INTU: variants seen among roughly 807,000 people sequenced by gnomAD.
INTU encodes the protein protein inturned.
INTU carries 68 observed loss-of-function variants against 100.5 expected under a neutral mutation model. The observed-to-expected ratio is 0.68, with a 90% CI of 0.56 to 0.83. INTU has a LOEUF of 0.83. Ranked by LOEUF, INTU falls within the 40% of genes least tolerant of loss-of-function variation. INTU has a pLI of 0.00. For missense variants in INTU, 1,071 were observed against 1,114.7 expected (o/e 0.96, Z 0.56); for synonymous variants, 357 against 395.7 (o/e 0.90, Z 1.16).
At chr4:127,670,428 T>A (rs1204481377) in intron 5 of INTU, among the ~76,000 whole-genome samples, 3 of 151,982 alleles carry the variant, frequency 2.0e-5, no homozygotes, top group African/African-American at 7.2e-5. Flanking sequence ...TATGTGACTT[T>A]AATATAGTGT....
chr4:127,661,011 CT>C (rs1728452308), intron 3 of INTU, among the ~76,000 whole-genome samples: 1 of 152,116 alleles, frequency 6.6e-6, no homozygotes, highest in South Asian at 2.1e-4. Context: ...ACATTTGTAG[CT>C]ACTTAACATG....
intron 1 of INTU, 46 bp from the exon 2 acceptor site, chr4:127,643,475 T>TTATATA (rs1727422680): frequency 6.7e-7 from 1 of 1,482,652 alleles, no homozygotes; most frequent in African/African-American, 1.4e-5. Flanking sequence ...TACCTTTCTT[T>TTATATA]TATATATTGG....
In INTU at chr4:127,713,960, G is replaced by A; in HGVS notation, c.2584G>A (p.Asp862Asn). Residue 862 changes from aspartate (D) to asparagine (N), a missense_variant, in exon 15 of 16, where the codon GAC (aspartate) becomes AAC (asparagine). By Grantham distance (23) the Asp-to-Asn change is conservative. Coordinates refer to ENST00000335251, the MANE Select transcript of INTU (RefSeq NM_015693.4). ...GAAAAAGAAAGGACTAAATAGTGGA[G>A]ACCATTCAGATTCTGCAAAGTCAGT... ...EEKKKGLNSG[D>N]HSDSAKSVSS... 6.2e-7 allele frequency: 1 copy of A among 1,610,422 alleles called. No homozygotes were observed. Among genetic ancestry groups the A allele is most frequent in the South Asian group, 1.1e-5 (1 of 90,810 alleles).
intron 6 of INTU, chr4:127,676,128 T>C (rs1360227625): frequency 6.0e-6 from 1 of 166,398 alleles, no homozygotes; most frequent in East Asian, 1.6e-4. Context: ...CAAATCTTTT[T>C]ACATGGAGGG....
chr4:127,648,957 C>G (rs1727708630), intron 2 of INTU, among the ~76,000 whole-genome samples: 2 of 152,216 alleles, frequency 1.3e-5, no homozygotes, highest in South Asian at 2.1e-4. Flanking sequence ...TTGCAAAACT[C>G]CCATCTGAGT....
chr4:127,677,520 A>G (rs1729280097), intron 6 of INTU, among the ~76,000 whole-genome samples: 1 of 151,052 alleles, frequency 6.6e-6, no homozygotes, highest in Non-Finnish European at 1.5e-5. Context: ...GCAAACTCCA[A>G]CAGACCTGCA....
chr4:127,692,964 T>C (rs1479780508), intron 8 of INTU, among the ~76,000 whole-genome samples: 4 of 152,006 alleles, frequency 2.6e-5, no homozygotes, highest in Non-Finnish European at 5.9e-5. Context: ...TTTTATACCA[T>C]GCCATTTTGG....
chr4:127,666,324 C>T (rs73847036), intron 4 of INTU, among the ~76,000 whole-genome samples: 2 of 151,970 alleles, frequency 1.3e-5, no homozygotes, highest in Admixed American at 6.6e-5. Context: ...GTAATGGTTT[C>T]CCTTCTTATG....
chr4:127,655,441 A>C (rs59871241), intron 2 of INTU, among the ~76,000 whole-genome samples: 4,651 of 149,342 alleles, frequency 0.031, 433 homozygotes, highest in African/African-American at 0.11. Flanking sequence ...TCCTTCTAAC[A>C]GACTGTACCC....
rs995062669 is a variant in INTU, at chr4:127,708,524, G to A, written c.2272-47G>A. On this transcript the variant is annotated intron_variant, in intron 12 of 15. Coordinates refer to ENST00000335251, the MANE Select transcript of INTU (RefSeq NM_015693.4). ...AATTTTTAAATTGTTTCTGCTATAT[G>A]ATTCCATTCTTAGATATAAACTGAT... 4 of 966,902 alleles carry A rather than the reference G, an allele frequency of 4.1e-6. No individual in the cohort carries two copies. In the Admixed American group the frequency reaches 6.7e-5, roughly 16 times the overall value. The allele number at this position is 966,902 out of a possible 1,614,324, so 59.9% of individuals were successfully genotyped here. A position where few individuals can be genotyped will look rare whatever the true frequency, so the allele number is the denominator to read the frequency against.
In INTU at chr4:127,721,409, T is replaced by C. The variant is rs1731343684; in HGVS notation, c.*4973T>C. The stretch of plus-strand genomic sequence containing the variant: ...CTCTCTGACTGCCCTTAACATTTTT[T>C]CCTTCATTTCAGTCTTGGAGAATCT... On this transcript the variant is annotated 3_prime_UTR_variant, in exon 16 of 16. Transcript: ENST00000335251. 1 of 152,220 alleles carries C rather than the reference T, an allele frequency of 6.6e-6. No individual in the cohort carries two copies. Among genetic ancestry groups the C allele is most frequent in the Non-Finnish European group, 1.5e-5 (1 of 68,050 alleles). 9.4% of individuals were successfully genotyped at this position (152,220 alleles called of 1,614,324 possible). A position where few individuals can be genotyped will look rare whatever the true frequency, so the allele number is the denominator to read the frequency against.
chr4:127,684,106 A>G (rs535265748), intron 6 of INTU, among the ~76,000 whole-genome samples: 118 of 152,314 alleles, frequency 7.7e-4, no homozygotes, highest in Non-Finnish European at 1.5e-3. Flanking sequence ...CTCAGAATCA[A>G]TCTGAGAAGG....
chr4:127,651,017 T>C (rs1302243354), intron 2 of INTU, among the ~76,000 whole-genome samples: 2 of 152,236 alleles, frequency 1.3e-5, no homozygotes, highest in African/African-American at 4.8e-5. Flanking sequence ...AAATGTCATC[T>C]TTTGAGAAGT....
chr4:127,707,117 T>C, intron 12 of INTU, 148 bp downstream of exon 12: 1 of 1,016,190 alleles, frequency 9.8e-7, no homozygotes, highest in Non-Finnish European at 1.4e-6. Context: ...CCAATGATTT[T>C]GAACCAAAAA....
At chr4:127,654,373 T>C (rs1375443244) in intron 2 of INTU, among the ~76,000 whole-genome samples, 1 of 152,220 alleles carries the variant, frequency 6.6e-6, no homozygotes, top group Non-Finnish European at 1.5e-5. Context: ...GTTGTTCCTT[T>C]CCATGTTTAG....
chr4:127,680,967 C>G (rs1729510968), intron 6 of INTU, among the ~76,000 whole-genome samples: 1 of 151,932 alleles, frequency 6.6e-6, no homozygotes, highest in Admixed American at 6.6e-5. Flanking sequence ...AACAGACAAA[C>G]AGAGAGCCAA....
At chr4:127,641,012 CCT>C (rs35087007) in intron 1 of INTU, among the ~76,000 whole-genome samples, 83,981 of 149,964 alleles carry the variant, frequency 0.56, 23,767 homozygotes, top group South Asian at 0.68. Flanking sequence ...AACATGAATC[CCT>C]CTCTCTCTCT....
At chr4:127,695,339 C>T (rs1730335311) in intron 8 of INTU, among the ~76,000 whole-genome samples, 1 of 152,164 alleles carries the variant, frequency 6.6e-6, no homozygotes, top group Non-Finnish European at 1.5e-5. Context: ...GGTGCAGTGG[C>T]TTATGCCTGT....
intron 13 of INTU, among the ~76,000 whole-genome samples, 180 bp downstream of exon 13, chr4:127,708,848 G>A (rs1028892405): frequency 6.6e-6 from 1 of 152,222 alleles, no homozygotes; most frequent in Non-Finnish European, 1.5e-5. Context: ...GACCATATTA[G>A]TATTATGAAA....
Sources: allele counts gnomAD v4.1 joint callset (sites outside exome capture counted in the v4.1 genomes callset), GRCh38; gene constraint gnomAD v4.1.1; transcripts MANE v1.5; gene names NCBI Gene and HGNC (gene_info 2026-07-23, HGNC 2026-07-21).